The following ARHGAP15 variants were observed in gnomAD, a reference collection of about 807,000 sequenced individuals.
The protein encoded by ARHGAP15 is rho GTPase-activating protein 15.
A neutral mutation model predicts 63.7 loss-of-function variants in ARHGAP15; 51 were observed. That is an observed-to-expected ratio of 0.80 (90% CI 0.64 to 1.01). ARHGAP15 has a LOEUF of 1.01. Ranked by LOEUF, ARHGAP15 falls within the 50% of genes least tolerant of loss-of-function variation. The probability of loss-of-function intolerance (pLI) is 0.00; values close to 1 mark genes in which losing one functional copy is unlikely to be tolerated. For synonymous variants in ARHGAP15, 191 were observed against 193.8 expected, an observed-to-expected ratio of 0.99 and a Z score of 0.12; for missense variants, 560 against 564.6, an observed-to-expected ratio of 0.99 and a Z score of 0.08.
chr2:143,306,050 A>G (rs1683154051), intron 6 of ARHGAP15, among the ~76,000 whole-genome samples: 2 of 152,100 alleles, frequency 1.3e-5, no homozygotes, highest in South Asian at 4.1e-4. Flanking sequence ...TTAATTTTGG[A>G]AAAAATATTT....
chr2:143,370,812 C>A (rs1686516816), intron 6 of ARHGAP15, among the ~76,000 whole-genome samples: 1 of 152,138 alleles, frequency 6.6e-6, no homozygotes, highest in Non-Finnish European at 1.5e-5. Flanking sequence ...AGCACACTTC[C>A]TTTCATTTAC....
At chr2:143,228,507 T>C (rs549996222) in intron 4 of ARHGAP15, 74 bp from the exon 5 acceptor site, 220 of 942,290 alleles carry the variant, frequency 2.3e-4, no homozygotes, top group Admixed American at 3.8e-4. Context: ...ATTCCAAATG[T>C]TGCTCATACT....
chr2:143,421,766 G>GTATATATATA (rs59677710), intron 6 of ARHGAP15, among the ~76,000 whole-genome samples: 12 of 109,068 alleles, frequency 1.1e-4, no homozygotes, highest in South Asian at 1.0e-3. Flanking sequence ...TGCACATGGT[G>GTATATATATA]TATATATATA....
At position 143,527,479 on chromosome 2, in the gene ARHGAP15, G is replaced by GAA. The variant is rs34254411; in HGVS notation, c.925+8124_925+8125dup. On this transcript the variant is annotated intron_variant, in intron 10 of 13. Transcript: ENST00000295095. The stretch of plus-strand genomic sequence containing the variant: ...CAAGTCGCTTCCTATTTTTGGTTCA[G>GAA]AAAAAAAAAATGGAAAAAATCAAGG... Among the ~76,000 whole-genome samples the GAA allele has an allele frequency of 2.6e-4, 38 of 147,672 alleles. 1 individual carries two copies. The highest frequency in any genetic ancestry group is 6.8e-3 in the Middle Eastern group (2 of 292).
At chr2:143,194,555 C>T (rs892772370) in intron 2 of ARHGAP15, among the ~76,000 whole-genome samples, 15 of 152,048 alleles carry the variant, frequency 9.9e-5, no homozygotes, top group African/African-American at 3.6e-4. Flanking sequence ...CTAAAAAATA[C>T]GTGATTCTAC....
At chr2:143,284,530 A>T (rs1201640195) in intron 6 of ARHGAP15, among the ~76,000 whole-genome samples, 1 of 152,200 alleles carries the variant, frequency 6.6e-6, no homozygotes, top group African/African-American at 2.4e-5. Context: ...TAAATAAATA[A>T]AAAGTAACTG....
chr2:143,610,999 G>A (rs1698232398), intron 11 of ARHGAP15, among the ~76,000 whole-genome samples: 1 of 152,102 alleles, frequency 6.6e-6, no homozygotes, highest in South Asian at 2.1e-4. Context: ...AAAGTTCTAG[G>A]ATTACAGGCG....
At chr2:143,392,175 C>T (rs1687563499) in intron 6 of ARHGAP15, among the ~76,000 whole-genome samples, 1 of 152,172 alleles carries the variant, frequency 6.6e-6, no homozygotes, top group Admixed American at 6.5e-5. Flanking sequence ...TACTTACAGT[C>T]CCTGTTATAC....
chr2:143,241,435 CTT>C (rs1280275873), intron 5 of ARHGAP15, among the ~76,000 whole-genome samples: 1 of 152,068 alleles, frequency 6.6e-6, no homozygotes, highest in Non-Finnish European at 1.5e-5. Flanking sequence ...CATAATAAAT[CTT>C]AATTGTATTT....
At chr2:143,411,378 A>G (rs1688439637) in intron 6 of ARHGAP15, among the ~76,000 whole-genome samples, 1 of 152,222 alleles carries the variant, frequency 6.6e-6, no homozygotes, top group South Asian at 2.1e-4. Context: ...TAAAGTAATC[A>G]TTAACTTGCT....
chr2:143,173,766 G>C (rs1003681912), intron 2 of ARHGAP15, among the ~76,000 whole-genome samples: 7 of 152,026 alleles, frequency 4.6e-5, no homozygotes, highest in Non-Finnish European at 8.8e-5. Context: ...ATTGATAACA[G>C]TCTCTGGACC....
At chr2:143,525,816 G>A (rs1331016589) in intron 10 of ARHGAP15, among the ~76,000 whole-genome samples, 1 of 152,082 alleles carries the variant, frequency 6.6e-6, no homozygotes, top group Non-Finnish European at 1.5e-5. Context: ...GCCAGCAAGA[G>A]TATAAAAGAG....
At chr2:143,507,346 A>T (rs1693366786) in intron 9 of ARHGAP15, among the ~76,000 whole-genome samples, 3 of 152,176 alleles carry the variant, frequency 2.0e-5, no homozygotes, top group Admixed American at 1.3e-4. Context: ...AGAAAGAAAT[A>T]AGGAAATGAA....
chr2:143,438,581 G>A (rs1168258690), intron 8 of ARHGAP15, among the ~76,000 whole-genome samples: 1 of 152,156 alleles, frequency 6.6e-6, no homozygotes, highest in Non-Finnish European at 1.5e-5. Context: ...TGCTAAGTTG[G>A]AGTTTAAGAT....
chr2:143,543,572 C>A (rs1362900207), intron 10 of ARHGAP15, among the ~76,000 whole-genome samples: 1 of 151,912 alleles, frequency 6.6e-6, no homozygotes, highest in Non-Finnish European at 1.5e-5. Context: ...TCTCATTTGT[C>A]TATTTTTTGG....
chr2:143,691,081 AAAG>A (rs1312525105), intron 12 of ARHGAP15, among the ~76,000 whole-genome samples: 3 of 152,224 alleles, frequency 2.0e-5, no homozygotes, highest in Admixed American at 6.5e-5. Flanking sequence ...TCATCTTTTA[AAAG>A]AAGGGAAAAA....
intron 8 of ARHGAP15, among the ~76,000 whole-genome samples, chr2:143,468,580 G>A (rs896830311): frequency 2.0e-5 from 3 of 151,842 alleles, no homozygotes; most frequent in Admixed American, 1.3e-4. Context: ...AAATCCTAGA[G>A]ATTATAGCAC....
intron 12 of ARHGAP15, among the ~76,000 whole-genome samples, chr2:143,683,280 G>A (rs1683188372): frequency 6.6e-6 from 1 of 152,198 alleles, no homozygotes; most frequent in South Asian, 2.1e-4. Flanking sequence ...TCAGCAAATG[G>A]GGATTTGATG....
chr2:143,724,050 C>CGTGTGT lies in ARHGAP15; in HGVS notation c.1244+20526_1244+20527insGTGTGT, dbSNP rs201124472. Among the ~76,000 whole-genome samples the CGTGTGT allele has an allele frequency of 5.7e-5, 5 of 87,988 alleles. No individual in the cohort carries two copies. In the East Asian group the frequency reaches 1.5e-3, roughly 27 times the overall value. 57.7% of individuals were successfully genotyped at this position (87,988 alleles called of 152,430 possible). On this transcript the variant is annotated intron_variant, in intron 13 of 13. Transcript: ENST00000295095. ...AAATAATACCTAATTTATCCACCTT[C>CGTGTGT]ATGTGTGTGTGTGTGTGTGTGTGTA... is the stretch of plus-strand genomic sequence containing the variant.
Sources: gnomAD v4.1 joint callset for allele counts (sites outside exome capture counted in the v4.1 genomes callset) on GRCh38, gnomAD v4.1.1 for gene constraint, MANE v1.5 for transcripts, NCBI Gene and HGNC (gene_info 2026-07-23, HGNC 2026-07-21) for gene names.